The following RPTOR variants were observed in gnomAD, a reference collection of about 807,000 sequenced individuals.
RPTOR encodes the protein regulatory-associated protein of mTOR.
Under a neutral mutation model 169.9 loss-of-function variants are expected in RPTOR, and 21 were observed. The ratio of observed to expected loss-of-function variants is 0.12; its 90% CI spans 0.09 to 0.18. The LOEUF (loss-of-function observed/expected upper bound fraction) is 0.18. Ranked by LOEUF, RPTOR falls within the 10% of genes least tolerant of loss-of-function variation. The probability of loss-of-function intolerance (pLI) is 1.00; values close to 1 mark genes in which losing one functional copy is unlikely to be tolerated. For synonymous variants in RPTOR, 732 were observed against 753.2 expected (o/e 0.97, Z 0.46); for missense variants, 1,133 against 1,855.9 (o/e 0.61, Z 7.16).
intron 2 of RPTOR, among the ~76,000 whole-genome samples, chr17:80,635,771 G>T (rs1332842991): frequency 6.6e-6 from 1 of 152,164 alleles, no homozygotes. Context: ...CAAGGCTGAG[G>T]TGGTGTCCAG....
chr17:80,669,693 C>T (rs890938680), intron 3 of RPTOR, among the ~76,000 whole-genome samples: 2 of 152,238 alleles, frequency 1.3e-5, no homozygotes, highest in Non-Finnish European at 2.9e-5. Context: ...CAGTAGTTCA[C>T]TCTTAAAACG....
intron 4 of RPTOR, among the ~76,000 whole-genome samples, chr17:80,714,968 C>A (rs541043539): frequency 5.8e-4 from 88 of 152,212 alleles, no homozygotes; most frequent in Non-Finnish European, 9.8e-4. Context: ...AGTGATCCTC[C>A]CACCTTGGCC....
At chr17:80,826,746 G>A (rs547283899) in intron 9 of RPTOR, among the ~76,000 whole-genome samples, 1 of 152,372 alleles carries the variant, frequency 6.6e-6, no homozygotes, top group Non-Finnish European at 1.5e-5. Context: ...GGCTCCTCCA[G>A]TGGGGTGCAC....
At chr17:80,956,146 G>GC (rs2069245403) in intron 28 of RPTOR, among the ~76,000 whole-genome samples, 1 of 152,054 alleles carries the variant, frequency 6.6e-6, no homozygotes, top group Non-Finnish European at 1.5e-5. Context: ...GGCGCCCTCA[G>GC]CCCAAGGGAC....
chr17:80,793,139 C>T (rs1456609123), intron 7 of RPTOR, among the ~76,000 whole-genome samples: 1 of 152,204 alleles, frequency 6.6e-6, no homozygotes, highest in African/African-American at 2.4e-5. Context: ...TTTTTGAGCA[C>T]TGATGTGCTA....
At chr17:80,888,405 C>T (rs946752432) in intron 17 of RPTOR, among the ~76,000 whole-genome samples, 7 of 152,248 alleles carry the variant, frequency 4.6e-5, no homozygotes, top group Admixed American at 4.6e-4. Flanking sequence ...TCCCAGGACG[C>T]TGCTCGGGCC....
intron 5 of RPTOR, among the ~76,000 whole-genome samples, chr17:80,748,132 C>T (rs1423853705): frequency 2.2e-5 from 2 of 90,380 alleles, no homozygotes; most frequent in Admixed American, 1.1e-4. Context: ...GGAGGGACTG[C>T]GGTGTGTGTT....
At chr17:80,888,479 C>A (rs1475770409) in intron 17 of RPTOR, among the ~76,000 whole-genome samples, 2 of 152,202 alleles carry the variant, frequency 1.3e-5, no homozygotes, top group Non-Finnish European at 2.9e-5. Context: ...AAATATTAGC[C>A]AGTGCTGTGT....
In RPTOR at chr17:80,959,076, C is replaced by A. The variant is rs561667483; in HGVS notation, c.3478-1002C>A. Among the ~76,000 whole-genome samples the A allele has an allele frequency of 6.9e-4, 105 of 152,346 alleles. No individual in the cohort carries two copies. The South Asian group carries it at 0.021, about 31-fold the overall frequency. The stretch of plus-strand genomic sequence containing the variant: ...GCCCAGCAGAGGGGAGGCCTGGGCA[C>A]CCTCAGCTGCTCGAAGCTGCTGTGG... On this transcript the variant is annotated intron_variant, in intron 29 of 33. Transcript: ENST00000306801. This position sits in a 1 kb window ranked among gnomAD's most constrained non-coding sequence, Gnocchi z 6.7.
intron 6 of RPTOR, chr17:80,774,206 C>T (rs1012434905): frequency 3.2e-5 from 32 of 985,296 alleles, no homozygotes; most frequent in South Asian, 1.4e-4. Flanking sequence ...CGTCTCCACC[C>T]GCCTTGAGTT....
intron 3 of RPTOR, among the ~76,000 whole-genome samples, chr17:80,697,490 G>A (rs756363063): frequency 1.3e-5 from 2 of 152,220 alleles, no homozygotes; most frequent in Non-Finnish European, 2.9e-5. Context: ...ACCTCCCATC[G>A]GTATCAGAAG....
At chr17:80,709,692 G>C (rs2143103883) in intron 4 of RPTOR, among the ~76,000 whole-genome samples, 1 of 152,156 alleles carries the variant, frequency 6.6e-6, no homozygotes, top group East Asian at 1.9e-4. Context: ...TTTCTCTCCA[G>C]CACTGGGTGT....
At position 80,794,588 on chromosome 17, in the gene RPTOR, G is replaced by C. The variant is rs1363569642; in HGVS notation, c.890+3079G>C. Among the ~76,000 whole-genome samples the C allele has an allele frequency of 2.0e-5, 3 of 152,284 alleles. 1 individual carries two copies. In the East Asian group the frequency reaches 5.8e-4, roughly 29 times the overall value. On this transcript the variant is annotated intron_variant, in intron 7 of 33. Transcript: ENST00000306801. ...TGTACCCTGGAAGAGGGAAATCTTA[G>C]GATCACACAAAAACCTGTGCGTGAA...
At chr17:80,888,586 G>A (rs2068277449) in intron 17 of RPTOR, among the ~76,000 whole-genome samples, 1 of 152,242 alleles carries the variant, frequency 6.6e-6, no homozygotes, top group Non-Finnish European at 1.5e-5. Flanking sequence ...GTCAACACTG[G>A]GAAGTGTGTG....
At chr17:80,560,842 C>T (rs1409095171) in intron 1 of RPTOR, among the ~76,000 whole-genome samples, 1 of 151,956 alleles carries the variant, frequency 6.6e-6, no homozygotes, top group African/African-American at 2.4e-5. Context: ...CTGCTGAGCC[C>T]GAGGCTGTTC....
In RPTOR at chr17:80,660,956, AC is replaced by A. The variant is rs1478345588; in HGVS notation, c.348+17151del. ...AGGTCAAGGTCAAGCTCCAACCCCC[AC>A]CCCCAGCCCAGCTGCCCTTGGGGGT... On this transcript the variant is annotated intron_variant, in intron 3 of 33. Transcript: ENST00000306801. Among the ~76,000 whole-genome samples, 3 of 150,164 alleles carry A rather than the reference AC, an allele frequency of 2.0e-5. No homozygotes were observed. The East Asian group carries it at 5.9e-4, about 30-fold the overall frequency.
intron 1 of RPTOR, among the ~76,000 whole-genome samples, chr17:80,547,966 C>CT (rs200443164): frequency 2.0e-5 from 3 of 151,436 alleles, no homozygotes; most frequent in Non-Finnish European, 2.9e-5. Context: ...AGTCAGCAAA[C>CT]TTTTTTTTTC....
chr17:80,791,200 G>A (rs2067044427), intron 6 of RPTOR, among the ~76,000 whole-genome samples: 1 of 151,524 alleles, frequency 6.6e-6, no homozygotes, highest in African/African-American at 2.4e-5. Flanking sequence ...GCTTCATGTG[G>A]CTGCAAACGG....
intron 1 of RPTOR, among the ~76,000 whole-genome samples, chr17:80,595,523 A>G (rs1329991403): frequency 2.0e-5 from 3 of 152,154 alleles, no homozygotes; most frequent in African/African-American, 7.2e-5. Context: ...TGGCATGATC[A>G]TGGCTCACTG....
Sources: allele counts gnomAD v4.1 joint callset (sites outside exome capture counted in the v4.1 genomes callset), GRCh38; gene constraint gnomAD v4.1.1; non-coding constraint Gnocchi (gnomAD v3.1); transcripts MANE v1.5; gene names NCBI Gene and HGNC (gene_info 2026-07-23, HGNC 2026-07-21).